UBTD1: variants seen among roughly 807,000 people sequenced by gnomAD.
UBTD1 encodes ubiquitin domain containing 1.
Under a neutral mutation model 21.7 loss-of-function variants are expected in UBTD1, and 19 were observed. The observed-to-expected ratio is 0.87, with a 90% CI of 0.61 to 1.28. The LOEUF (loss-of-function observed/expected upper bound fraction) is 1.28, where lower values mean the gene tolerates loss of function less well. Ranked by LOEUF, UBTD1 falls within the 50% of genes most tolerant of loss-of-function variation. The pLI is 0.00. For synonymous variants in UBTD1, 116 were observed against 135.1 expected, an observed-to-expected ratio of 0.86 and a Z score of 0.98; for missense variants, 282 against 315.1, an observed-to-expected ratio of 0.89 and a Z score of 0.80.
At chr10:97,561,888 G>A (rs1210154852) in intron 1 of UBTD1, among the ~76,000 whole-genome samples, 1 of 152,184 alleles carries the variant, frequency 6.6e-6, no homozygotes, top group African/African-American at 2.4e-5. Context: ...GCAAGTTCCT[G>A]TACACACCTG....
At chr10:97,538,271 C>T (rs565450696) in intron 1 of UBTD1, among the ~76,000 whole-genome samples, 23 of 152,098 alleles carry the variant, frequency 1.5e-4, no homozygotes, top group African/African-American at 4.8e-4. Flanking sequence ...GTGAGAGGAT[C>T]CCTTGAGGCT....
At chr10:97,550,125 TG>T (rs2040629765) in intron 1 of UBTD1, among the ~76,000 whole-genome samples, 2 of 152,200 alleles carry the variant, frequency 1.3e-5, no homozygotes, top group Non-Finnish European at 1.5e-5. Flanking sequence ...CTCTTGTTCC[TG>T]CCTTCTCCCG....
chr10:97,512,302 T>C (rs998165842), intron 1 of UBTD1, among the ~76,000 whole-genome samples: 5 of 152,114 alleles, frequency 3.3e-5, no homozygotes, highest in Non-Finnish European at 5.9e-5. Flanking sequence ...AGCAGCACTT[T>C]GTAATGTGTG....
intron 1 of UBTD1, among the ~76,000 whole-genome samples, chr10:97,548,855 C>T (rs2040623385): frequency 1.3e-5 from 2 of 152,192 alleles, no homozygotes; most frequent in Admixed American, 1.3e-4. Flanking sequence ...TCAGATAGGC[C>T]AGTTTTCCTC....
At chr10:97,561,285 G>A (rs576391981) in intron 1 of UBTD1, among the ~76,000 whole-genome samples, 8 of 152,210 alleles carry the variant, frequency 5.3e-5, no homozygotes, top group South Asian at 4.1e-4. Flanking sequence ...TGCCTCAGCC[G>A]TCCGTGAGTT....
chr10:97,559,619 T>C (rs1435284571), intron 1 of UBTD1, among the ~76,000 whole-genome samples: 2 of 152,196 alleles, frequency 1.3e-5, no homozygotes, highest in Admixed American at 1.3e-4. Flanking sequence ...TTAAACTTAA[T>C]TTTAATAAAA....
At chr10:97,512,063 G>A (rs538392728) in intron 1 of UBTD1, among the ~76,000 whole-genome samples, 2 of 152,302 alleles carry the variant, frequency 1.3e-5, no homozygotes, top group African/African-American at 4.8e-5. Context: ...CAGCTACTGT[G>A]TTGGGGAGGG....
Position 97,534,549 on chromosome 10 carries a change from T to C in UBTD1, c.71-33365T>C, listed in dbSNP as rs981507056. On this transcript the variant is annotated intron_variant, in intron 1 of 2. Transcript: ENST00000370664. ...ACCACACCACATTCAAGCCAAAGCTTAAGGCACTAAGGAACACACACGCGC... is the reference window on the plus strand; with the variant it reads ...ACCACACCACATTCAAGCCAAAGCTCAAGGCACTAAGGAACACACACGCGC... Among the ~76,000 whole-genome samples, 3 of 148,782 alleles carry C rather than the reference T, an allele frequency of 2.0e-5. No homozygotes were observed. In the Admixed American group the frequency reaches 2.1e-4, roughly 10 times the overall value.
At chr10:97,557,631 A>G (rs2185512) in intron 1 of UBTD1, among the ~76,000 whole-genome samples, 140,152 of 152,158 alleles carry the variant, frequency 0.92, 65,250 homozygotes, top group East Asian at 0.99. Context: ...CAATAGTGGC[A>G]CAAGCATCAA....
chr10:97,535,705 C>T (rs2040557058), intron 1 of UBTD1, among the ~76,000 whole-genome samples: 1 of 151,960 alleles, frequency 6.6e-6, no homozygotes, highest in African/African-American at 2.4e-5. Context: ...CACTTGAAGC[C>T]AGGAGTTTGA....
intron 1 of UBTD1, among the ~76,000 whole-genome samples, chr10:97,541,162 A>T (rs1490829611): frequency 6.6e-6 from 1 of 152,176 alleles, no homozygotes; most frequent in Non-Finnish European, 1.5e-5. Context: ...CGTTACAAGG[A>T]TTAAGTGAAA....
intron 1 of UBTD1, among the ~76,000 whole-genome samples, chr10:97,508,555 G>A (rs980142203): frequency 1.3e-5 from 2 of 152,132 alleles, no homozygotes; most frequent in Admixed American, 6.5e-5. Context: ...CTCACAGCTC[G>A]TTCCATTGTG....
At chr10:97,531,387 T>A (rs2040531323) in intron 1 of UBTD1, among the ~76,000 whole-genome samples, 1 of 151,800 alleles carries the variant, frequency 6.6e-6, no homozygotes, top group Non-Finnish European at 1.5e-5. Flanking sequence ...ATTTTTGTAT[T>A]TTCGTAGAGG....
intron 1 of UBTD1, among the ~76,000 whole-genome samples, chr10:97,563,968 G>C (rs957008517): frequency 3.3e-5 from 5 of 152,184 alleles, no homozygotes; most frequent in African/African-American, 7.2e-5. Flanking sequence ...GAAGAGGAGA[G>C]ATCAGGCTGG....
chr10:97,509,919 G>T (rs1447139907), intron 1 of UBTD1, among the ~76,000 whole-genome samples: 1 of 151,270 alleles, frequency 6.6e-6, no homozygotes, highest in African/African-American at 2.4e-5. Context: ...CCAAAGTGTT[G>T]GGATTACAGG....
At chr10:97,554,357 C>A (rs1012037701) in intron 1 of UBTD1, among the ~76,000 whole-genome samples, 1 of 149,286 alleles carries the variant, frequency 6.7e-6, no homozygotes, top group African/African-American at 2.5e-5. Flanking sequence ...AAGTGATTCT[C>A]CTGCCTCACC....
chr10:97,566,815 C>T (rs2040719087), intron 1 of UBTD1, among the ~76,000 whole-genome samples: 1 of 152,152 alleles, frequency 6.6e-6, no homozygotes, highest in Admixed American at 6.5e-5. Flanking sequence ...ACATCTCACT[C>T]CTGTGGCTCA....
chr10:97,553,830 AG>A (rs2040651796), intron 1 of UBTD1, among the ~76,000 whole-genome samples: 1 of 152,182 alleles, frequency 6.6e-6, no homozygotes, highest in South Asian at 2.1e-4. Context: ...CTGGAGGGTG[AG>A]GAGTTTGTCA....
intron 1 of UBTD1, among the ~76,000 whole-genome samples, chr10:97,523,092 C>T (rs775836338): frequency 1.7e-4 from 26 of 152,326 alleles, no homozygotes; most frequent in Middle Eastern, 3.4e-3. Flanking sequence ...GCTGTGCACC[C>T]ATATCACTTC....
Sources: allele counts gnomAD v4.1 joint callset (sites outside exome capture counted in the v4.1 genomes callset), GRCh38; gene constraint gnomAD v4.1.1; transcripts MANE v1.5; gene names NCBI Gene and HGNC (gene_info 2026-07-23, HGNC 2026-07-21).